Variants in KLF12 observed in about 807,000 individuals in gnomAD.
KLF12 encodes the protein Krueppel-like factor 12.
In KLF12, 9 loss-of-function variants were observed where a neutral mutation model predicts 37.8. The ratio of observed to expected loss-of-function variants is 0.24; its 90% CI spans 0.14 to 0.42. The LOEUF is 0.42. KLF12 is among the 10% of genes least tolerant of loss of function. The probability of loss-of-function intolerance (pLI) is 1.00; values close to 1 mark genes in which losing one functional copy is unlikely to be tolerated. For missense variants in KLF12, 411 were observed against 516.0 expected (o/e 0.80, Z 1.97); for synonymous variants, 208 against 202.1 (o/e 1.03, Z -0.25).
intron 2 of KLF12, among the ~76,000 whole-genome samples, chr13:73,984,181 T>G (rs1450727961): frequency 2.0e-5 from 3 of 152,166 alleles, no homozygotes; most frequent in Non-Finnish European, 4.4e-5. Context: ...TTGAACTATC[T>G]CAACTACATG....
chr13:73,729,366 G>A (rs1235357028), intron 6 of KLF12, among the ~76,000 whole-genome samples: 2 of 152,196 alleles, frequency 1.3e-5, no homozygotes, highest in African/African-American at 4.8e-5. Context: ...TACTCTCAGT[G>A]TATACTGTAA....
chr13:74,105,346 T>C (rs1267756224), intron 1 of KLF12, among the ~76,000 whole-genome samples: 1 of 152,136 alleles, frequency 6.6e-6, no homozygotes, highest in African/African-American at 2.4e-5. Flanking sequence ...CCTAACTTGA[T>C]TGTAGACTAT....
At chr13:74,124,917 G>T (rs899239749) in intron 1 of KLF12, among the ~76,000 whole-genome samples, 1 of 152,030 alleles carries the variant, frequency 6.6e-6, no homozygotes, top group African/African-American at 2.4e-5. Flanking sequence ...GCAGCAAGGC[G>T]GGTGGATCAC....
At chr13:73,922,227 A>T (rs185138307) in intron 3 of KLF12, among the ~76,000 whole-genome samples, 218 of 152,272 alleles carry the variant, frequency 1.4e-3, no homozygotes, top group Admixed American at 2.7e-3. Context: ...CCTTTGCCTT[A>T]AACATTTTAC....
intron 1 of KLF12, among the ~76,000 whole-genome samples, chr13:74,071,671 C>T (rs376741401): frequency 5.5e-4 from 83 of 151,962 alleles, no homozygotes; most frequent in African/African-American, 1.8e-3. Context: ...CCAGCCTGGG[C>T]GACAGAGCGA....
the KLF12 span, among the ~76,000 whole-genome samples, chr13:74,152,663 A>C: frequency 0.44 from 67,052 of 151,548 alleles, 15,687 homozygotes; most frequent in East Asian, 0.79. Flanking sequence ...TGGGAGGATC[A>C]CTTGAGCCCA....
intron 3 of KLF12, among the ~76,000 whole-genome samples, chr13:73,914,803 T>C (rs1447695807): frequency 6.6e-6 from 1 of 152,216 alleles, no homozygotes; most frequent in African/African-American, 2.4e-5. Flanking sequence ...TTTCCATTTA[T>C]GTTTTCATCT....
chr13:74,155,027 A>G, the KLF12 span, among the ~76,000 whole-genome samples: 5 of 152,188 alleles, frequency 3.3e-5, no homozygotes, highest in East Asian at 3.8e-4. Context: ...GGTCTTAAAT[A>G]TACTATTCTT....
chr13:74,275,826 C>CTT, the KLF12 span, among the ~76,000 whole-genome samples: 3 of 108,244 alleles, frequency 2.8e-5, no homozygotes, highest in East Asian at 7.0e-4. Flanking sequence ...TTCTTTCTTT[C>CTT]TTTCTTTCTT....
intron 1 of KLF12, among the ~76,000 whole-genome samples, chr13:74,098,077 G>A (rs2138853929): frequency 6.6e-6 from 1 of 152,184 alleles, no homozygotes; most frequent in South Asian, 2.1e-4. Context: ...ATTTCCATAT[G>A]CTGACCCTTC....
intron 1 of KLF12, among the ~76,000 whole-genome samples, chr13:74,029,384 C>A (rs1893058513): frequency 6.6e-6 from 1 of 151,974 alleles, no homozygotes; most frequent in African/African-American, 2.4e-5. Flanking sequence ...ACTTAGTTTT[C>A]AACGTTTCCC....
chr13:74,104,274 T>C (rs1219115562), intron 1 of KLF12, among the ~76,000 whole-genome samples: 2 of 152,254 alleles, frequency 1.3e-5, no homozygotes, highest in Admixed American at 6.5e-5. Context: ...ATTTAGTGAA[T>C]GATTAAACTC....
chr13:73,917,672 T>C (rs1888911022), intron 3 of KLF12, among the ~76,000 whole-genome samples: 1 of 152,188 alleles, frequency 6.6e-6, no homozygotes, highest in South Asian at 2.1e-4. Context: ...AAGAATTAAA[T>C]ACATGAAATA....
intron 7 of KLF12, among the ~76,000 whole-genome samples, chr13:73,702,302 A>G (rs751826265): frequency 7.9e-5 from 12 of 152,172 alleles, no homozygotes; most frequent in Non-Finnish European, 1.5e-4. Flanking sequence ...GTGCATTTCC[A>G]TGACATTTAC....
chr13:74,230,870 A>G, the KLF12 span, among the ~76,000 whole-genome samples: 5 of 152,106 alleles, frequency 3.3e-5, no homozygotes, highest in Non-Finnish European at 4.4e-5. Flanking sequence ...TCATTCTGTT[A>G]TGAGTAACCC....
the KLF12 span, among the ~76,000 whole-genome samples, chr13:74,264,483 A>C: frequency 6.6e-6 from 1 of 152,266 alleles, no homozygotes; most frequent in African/African-American, 2.4e-5. Context: ...ACAGAGTGAC[A>C]TTCTGAATAT....
the KLF12 span, among the ~76,000 whole-genome samples, chr13:74,187,148 C>A: frequency 2.0e-5 from 3 of 152,012 alleles, no homozygotes; most frequent in Admixed American, 1.3e-4. Flanking sequence ...GGCAACACTG[C>A]GAAACCCCAT....
chr13:74,199,130 G>T, the KLF12 span, among the ~76,000 whole-genome samples: 1 of 152,326 alleles, frequency 6.6e-6, no homozygotes, highest in African/African-American at 2.4e-5. Context: ...TCCTGCAGAA[G>T]TCAGTGCGGA....
At chr13:74,135,679 A>G (rs953723480), upstream of KLF12, among the ~76,000 whole-genome samples, 1 of 151,858 alleles carries the variant, frequency 6.6e-6, no homozygotes, top group Non-Finnish European at 1.5e-5. Context: ...CGCTCCGGGC[A>G]CGACAGTATT....
Sources: allele counts gnomAD v4.1 joint callset (sites outside exome capture counted in the v4.1 genomes callset), GRCh38; gene constraint gnomAD v4.1.1; transcripts MANE v1.5; gene names NCBI Gene and HGNC (gene_info 2026-07-23, HGNC 2026-07-21).